Variants in ANKDD1B observed in about 807,000 individuals in gnomAD.
ANKDD1B encodes the protein ankyrin repeat and death domain-containing protein 1B.
A neutral mutation model predicts 59.7 loss-of-function variants in ANKDD1B; 57 were observed. The ratio of observed to expected loss-of-function variants is 0.95; its 90% confidence interval spans 0.77 to 1.19. The LOEUF (loss-of-function observed/expected upper bound fraction) is 1.19. Among genes scored for constraint, ANKDD1B ranks in the 50% most tolerant of loss-of-function variants. ANKDD1B has a pLI of 0.00. For missense variants in ANKDD1B, 602 were observed against 641.9 expected (o/e 0.94, Z 0.67); for synonymous variants, 216 against 239.5 (o/e 0.90, Z 0.91).
intron 6 of ANKDD1B, 169 bp from the exon 7 acceptor site, chr5:75,635,615 C>T: frequency 2.4e-6 from 1 of 409,908 alleles, no homozygotes; most frequent in Admixed American, 4.3e-5. Context: ...TTATTTAAAA[C>T]TTAAAAATGT....
chr5:75,666,854 C>G lies in ANKDD1B; in HGVS notation c.1254C>G (p.His418Gln). The change falls in exon 12 of 14, where the codon CAC becomes CAG. Residue 418 changes from histidine to glutamine, a missense_variant. Around this residue, in one of 3 missense-constraint regions of ANKDD1B, gnomAD observed 280 missense variants for 319.8 expected, o/e 0.88. Coordinates refer to ENST00000601380, the MANE Select transcript of ANKDD1B (RefSeq NM_001276713.2). ...TTACTCTGACATTCAAGCAAGATCA[C>G]AGTCTGGAGACCAGACACATTCGCA... ...TGFTLTFKQD[H>Q]SLETRHIRTL... is the part of the protein sequence containing the mutation. 1 of 1,536,014 alleles carries G rather than the reference C, an allele frequency of 6.5e-7. No individual in the cohort carries two copies. The highest frequency in any genetic ancestry group is 1.2e-5 in the South Asian group (1 of 84,050).
At chr5:75,654,069 A>G (rs897539712) in intron 8 of ANKDD1B, among the ~76,000 whole-genome samples, 1 of 152,240 alleles carries the variant, frequency 6.6e-6, no homozygotes, top group Non-Finnish European at 1.5e-5. Flanking sequence ...AGAGACCTAC[A>G]CAGAAATTCT....
chr5:75,648,269 A>ACATT lies in ANKDD1B; in HGVS notation c.799-4873_799-4872insCATT, dbSNP rs1561444194. 3.5e-3 allele frequency among the ~76,000 whole-genome samples: 126 copies of ACATT among 35,988 alleles called. 2 individuals are homozygous for ACATT. Among genetic ancestry groups the ACATT allele is most frequent in the Admixed American group, 0.021 (84 of 3,928 alleles). 23.6% of individuals were successfully genotyped at this position (35,988 alleles called of 152,430 possible). A position where few individuals can be genotyped will look rare whatever the true frequency, so the allele number is the denominator to read the frequency against. On this transcript the variant is annotated intron_variant, in intron 7 of 13. Transcript: ENST00000601380. ...AAGTATAATTAAAAAAAAAAAATTA[A>ACATT]AAAAAAAAAAAAAAGAATTCATGGG...
In ANKDD1B at chr5:75,625,820, G is replaced by C. The variant is rs545739747; in HGVS notation, c.496-31G>C. On this transcript the variant is annotated intron_variant, in intron 4 of 13. Transcript: ENST00000601380. ...GGAGAGAGGAAGTTCTGAGGTCACT[G>C]TCTATCTCCCCCACCCCTGGTTCTC... 3.9e-6 allele frequency: 6 copies of C among 1,530,824 alleles called. No homozygotes were observed. The South Asian group carries it at 7.1e-5, about 18-fold the overall frequency. The allele number at this position is 1,530,824 out of a possible 1,614,324, so 94.8% of individuals were successfully genotyped here.
chr5:75,636,658 G>A (rs1774311528), intron 7 of ANKDD1B, among the ~76,000 whole-genome samples: 1 of 152,192 alleles, frequency 6.6e-6, no homozygotes, highest in Non-Finnish European at 1.5e-5. Context: ...CAGAAGTGGG[G>A]AGGACCAGTC....
chr5:75,656,057 TTA>T lies in ANKDD1B; in HGVS notation c.928_929del (p.Ile310GlnfsTer16), dbSNP rs1398897304. 6.6e-7 allele frequency: 1 copy of T among 1,519,896 alleles called. No individual in the cohort carries two copies. The highest frequency in any genetic ancestry group is 1.4e-5 in the African/African-American group (1 of 72,750). The allele number at this position is 1,519,896 out of a possible 1,614,324, so 94.2% of individuals were successfully genotyped here. A position where few individuals can be genotyped will look rare whatever the true frequency, so the allele number is the denominator to read the frequency against. The stretch of plus-strand genomic sequence containing the variant: ...AAGGAGTCCCCTCTTCATTTAGTTG[TTA>T]TCAACAACCACATCACGGTTGTAAA... On this transcript the variant is annotated frameshift_variant, in exon 9 of 14. Coordinates refer to ENST00000601380, the MANE Select transcript of ANKDD1B (RefSeq NM_001276713.2). LOFTEE classifies it high-confidence loss of function.
intron 9 of ANKDD1B, among the ~76,000 whole-genome samples, 177 bp from the exon 10 acceptor site, chr5:75,659,106 T>C (rs1775049043): frequency 6.6e-6 from 1 of 152,232 alleles, no homozygotes; most frequent in Non-Finnish European, 1.5e-5. Flanking sequence ...AGTCTCCTTG[T>C]TAAACATGTA....
chr5:75,666,846 C>G lies in ANKDD1B; in HGVS notation c.1246C>G (p.Gln416Glu). 6.5e-7 allele frequency: 1 copy of G among 1,536,016 alleles called. No homozygotes were observed. Among genetic ancestry groups the G allele is most frequent in the South Asian group, 1.2e-5 (1 of 84,056 alleles). ...PSTGFTLTFKQDHSLETRHIR... is the reference protein window; with the variant it reads ...PSTGFTLTFKEDHSLETRHIR... Reference sequence around the variant, plus strand: ...AACAGGCTTTACTCTGACATTCAAGCAAGATCACAGTCTGGAGACCAGACA... The same window carrying G: ...AACAGGCTTTACTCTGACATTCAAGGAAGATCACAGTCTGGAGACCAGACA... The change falls in exon 12 of 14, where the codon CAA becomes GAA. Residue 416 changes from glutamine to glutamate, a missense_variant. Transcript: ENST00000601380.
intron 8 of ANKDD1B, among the ~76,000 whole-genome samples, chr5:75,655,462 A>T (rs1443824288): frequency 6.6e-6 from 1 of 152,126 alleles, no homozygotes; most frequent in African/African-American, 2.4e-5. Context: ...ATGTGCAATG[A>T]TTTTGCCCTT....
At chr5:75,632,496 T>A (rs1477858683) in intron 5 of ANKDD1B, among the ~76,000 whole-genome samples, 3 of 152,236 alleles carry the variant, frequency 2.0e-5, no homozygotes, top group African/African-American at 4.8e-5. Context: ...TGGTTGGCTC[T>A]CATAGGCCTA....
At chr5:75,653,604 C>G (rs1340952110) in intron 8 of ANKDD1B, among the ~76,000 whole-genome samples, 3 of 152,176 alleles carry the variant, frequency 2.0e-5, no homozygotes, top group Non-Finnish European at 4.4e-5. Flanking sequence ...GATAATTTTT[C>G]TCCCTTCACT....
chr5:75,656,601 G>A (rs1240397846), intron 9 of ANKDD1B, among the ~76,000 whole-genome samples: 2 of 152,204 alleles, frequency 1.3e-5, no homozygotes, highest in Middle Eastern at 3.2e-3. Context: ...CAGTCAACTG[G>A]AGCAGAATCA....
chr5:75,618,875 A>G (rs996640625), intron 2 of ANKDD1B, among the ~76,000 whole-genome samples: 3 of 152,090 alleles, frequency 2.0e-5, no homozygotes, highest in Non-Finnish European at 4.4e-5. Context: ...CCTCCCTAGT[A>G]GCTGGGATTA....
In ANKDD1B at chr5:75,671,135, T is replaced by C. The variant is rs1296786614; in HGVS notation, c.*95T>C. ...TCTAGCAGTAGCACTGATTTTCAACTATGATGATGGTGGTGACAGGGAACT... is the reference window on the plus strand; with the variant it reads ...TCTAGCAGTAGCACTGATTTTCAACCATGATGATGGTGGTGACAGGGAACT... On this transcript the variant is annotated 3_prime_UTR_variant, in exon 14 of 14. Transcript: ENST00000601380. 2 of 476,952 alleles carry C rather than the reference T, an allele frequency of 4.2e-6. No individual in the cohort carries two copies. Among genetic ancestry groups the C allele is most frequent in the African/African-American group, 4.0e-5 (2 of 49,962 alleles). The allele number at this position is 476,952 out of a possible 1,614,324, so 29.5% of individuals were successfully genotyped here.
chr5:75,631,740 T>A (rs925596291), intron 5 of ANKDD1B, among the ~76,000 whole-genome samples: 1 of 152,178 alleles, frequency 6.6e-6, no homozygotes, highest in African/African-American at 2.4e-5. Flanking sequence ...GCCCACATCT[T>A]CTGAGAAGAC....
chr5:75,656,995 G>T (rs1440751899), intron 9 of ANKDD1B, among the ~76,000 whole-genome samples: 1 of 152,146 alleles, frequency 6.6e-6, no homozygotes, highest in Non-Finnish European at 1.5e-5. Flanking sequence ...CCTGTACTTC[G>T]GTCCCTTCTC....
rs1195419455 is a variant in ANKDD1B at position 75,611,608 on chromosome 5, C to T, written c.-27C>T. The T allele has an allele frequency of 8.1e-7, 1 of 1,230,794 alleles. No homozygotes were observed. The highest frequency in any genetic ancestry group is 1.0e-6 in the Non-Finnish European group (1 of 987,424). The allele number at this position is 1,230,794 out of a possible 1,614,324, so 76.2% of individuals were successfully genotyped here. A position where few individuals can be genotyped will look rare whatever the true frequency, so the allele number is the denominator to read the frequency against. On this transcript the variant is annotated 5_prime_UTR_variant, in exon 1 of 14. Transcript: ENST00000601380. Reference sequence around the variant, plus strand: ...TCTGGGTCCGAGTCTGGGTCTGGCCCTGCGCTCAGGGCCCGCGGAGGAGAC... The same window carrying T: ...TCTGGGTCCGAGTCTGGGTCTGGCCTTGCGCTCAGGGCCCGCGGAGGAGAC...
At chr5:75,640,437 G>T (rs1291097923) in intron 7 of ANKDD1B, among the ~76,000 whole-genome samples, 1 of 152,154 alleles carries the variant, frequency 6.6e-6, no homozygotes, top group Non-Finnish European at 1.5e-5. Flanking sequence ...ATTTAACTGT[G>T]CCAAAGCATA....
intron 3 of ANKDD1B, among the ~76,000 whole-genome samples, chr5:75,624,760 C>T (rs886983688): frequency 3.3e-4 from 50 of 152,068 alleles, no homozygotes; most frequent in Non-Finnish European, 5.7e-4. Flanking sequence ...ATTGATCAAT[C>T]GACCTACCTA....
Sources: allele counts gnomAD v4.1 joint callset (sites outside exome capture counted in the v4.1 genomes callset), GRCh38; gene constraint gnomAD v4.1.1; regional missense constraint gnomAD v4.1.1; transcripts MANE v1.5; gene names NCBI Gene and HGNC (gene_info 2026-07-23, HGNC 2026-07-21).